The following TIAM1 variants were observed in gnomAD, a reference collection of about 807,000 sequenced individuals.
TIAM1 encodes rho guanine nucleotide exchange factor TIAM1.
TIAM1 carries 65 observed loss-of-function variants against 163.5 expected under a neutral mutation model. That is an observed-to-expected ratio of 0.40 (90% CI 0.33 to 0.49). TIAM1 has a LOEUF of 0.49. TIAM1 is among the 20% of genes least tolerant of loss of function. The pLI, the probability that TIAM1 is intolerant of heterozygous loss-of-function variation, is 0.77. For synonymous variants in TIAM1, 833 were observed against 810.1 expected (o/e 1.03, Z -0.48); for missense variants, 1,789 against 2,044.7 (o/e 0.87, Z 2.41).
intron 7 of TIAM1, 70 bp from the exon 8 acceptor site, chr21:31,223,661 A>G: frequency 6.9e-7 from 1 of 1,458,098 alleles, no homozygotes; most frequent in Non-Finnish European, 9.2e-7. Flanking sequence ...TCTTTATCCT[A>G]TACAGATCTA....
At chr21:31,558,374 G>C (rs1426341840) in intron 1 of TIAM1, among the ~76,000 whole-genome samples, 2 of 152,138 alleles carry the variant, frequency 1.3e-5, no homozygotes, top group Non-Finnish European at 2.9e-5. Flanking sequence ...CGGCCCCCGG[G>C]CTTTCCGCCC....
At chr21:31,196,944 A>G (rs2085890111) in intron 12 of TIAM1, among the ~76,000 whole-genome samples, 1 of 152,216 alleles carries the variant, frequency 6.6e-6, no homozygotes, top group South Asian at 2.1e-4. Context: ...CTTTACAGCA[A>G]CATGGATGCA....
intron 15 of TIAM1, among the ~76,000 whole-genome samples, chr21:31,174,667 G>A (rs1249107596): frequency 6.6e-6 from 1 of 152,042 alleles, no homozygotes; most frequent in Non-Finnish European, 1.5e-5. Flanking sequence ...CTTTTTTTGA[G>A]AGAGAGTTTC....
intron 2 of TIAM1, among the ~76,000 whole-genome samples, chr21:31,393,350 C>T (rs1288933900): frequency 6.6e-6 from 1 of 152,142 alleles, no homozygotes; most frequent in African/African-American, 2.4e-5. Context: ...AAATGAAAAA[C>T]GAATGCAACA....
At chr21:31,473,429 C>CAAAAAAAAAAAAAAA (rs56691495) in intron 1 of TIAM1, among the ~76,000 whole-genome samples, 2 of 75,738 alleles carry the variant, frequency 2.6e-5, no homozygotes, top group Non-Finnish European at 5.4e-5. Flanking sequence ...GACTCCATCT[C>CAAAAAAAAAAAAAAA]AAAAAAAAAA....
chr21:31,178,707 C>T (rs145454943), intron 15 of TIAM1, among the ~76,000 whole-genome samples: 1 of 152,230 alleles, frequency 6.6e-6, no homozygotes, highest in African/African-American at 2.4e-5. Flanking sequence ...ATGCTTTATT[C>T]CTGAGTCAGT....
chr21:31,239,239 C>T (rs925530775), intron 6 of TIAM1, among the ~76,000 whole-genome samples: 1 of 152,140 alleles, frequency 6.6e-6, no homozygotes, highest in Non-Finnish European at 1.5e-5. Context: ...CCTCCCACCT[C>T]AGCCTCTCAA....
chr21:31,497,300 A>G (rs1165276818), intron 1 of TIAM1, among the ~76,000 whole-genome samples: 1 of 152,266 alleles, frequency 6.6e-6, no homozygotes, highest in Non-Finnish European at 1.5e-5. Context: ...TTTTTACATT[A>G]TTCTTGCTAC....
At chr21:31,369,813 C>A (rs1014290944) in intron 2 of TIAM1, among the ~76,000 whole-genome samples, 6 of 152,108 alleles carry the variant, frequency 3.9e-5, no homozygotes, top group Non-Finnish European at 8.8e-5. Flanking sequence ...CATGGTGAAA[C>A]CCCGTCTCTA....
chr21:31,228,218 TTTAA>T (rs1380577463), intron 6 of TIAM1, among the ~76,000 whole-genome samples: 118 of 19,036 alleles, frequency 6.2e-3, no homozygotes, highest in Non-Finnish European at 0.011. Context: ...GCCTCCTTTT[TTTAA>T]AAAAAAAAAA....
At chr21:31,140,135 G>C (rs1408311413) in intron 22 of TIAM1, among the ~76,000 whole-genome samples, 2 of 152,084 alleles carry the variant, frequency 1.3e-5, no homozygotes, top group Non-Finnish European at 2.9e-5. Context: ...CTGAAAACTT[G>C]TTTTGTTTCA....
intron 10 of TIAM1, among the ~76,000 whole-genome samples, chr21:31,211,214 C>T (rs545488641): frequency 2.6e-5 from 4 of 152,144 alleles, no homozygotes; most frequent in South Asian, 4.2e-4. Flanking sequence ...GGAGAAGGGT[C>T]GGAAGTCCTC....
intron 1 of TIAM1, among the ~76,000 whole-genome samples, chr21:31,555,963 A>G (rs934899324): frequency 6.6e-6 from 1 of 151,900 alleles, no homozygotes; most frequent in East Asian, 1.9e-4. Context: ...GGGGGAGGGG[A>G]GAAGAGAGGA....
At chr21:31,384,277 G>A (rs1332360731) in intron 2 of TIAM1, among the ~76,000 whole-genome samples, 2 of 151,276 alleles carry the variant, frequency 1.3e-5, no homozygotes, top group African/African-American at 2.4e-5. Flanking sequence ...AAAAAAAAAT[G>A]TCAAAGATCA....
intron 15 of TIAM1, among the ~76,000 whole-genome samples, chr21:31,172,603 G>A (rs546068873): frequency 2.6e-5 from 4 of 152,268 alleles, no homozygotes; most frequent in African/African-American, 7.2e-5. Context: ...GCAGGGGACC[G>A]GGGGAGAGGA....
intron 1 of TIAM1, among the ~76,000 whole-genome samples, chr21:31,467,649 A>T (rs906366139): frequency 1.3e-5 from 2 of 151,322 alleles, no homozygotes; most frequent in Non-Finnish European, 2.9e-5. Flanking sequence ...ATAAATAAAT[A>T]AAAATAAAAT....
chr21:31,346,694 A>C (rs527312473), upstream of TIAM1, among the ~76,000 whole-genome samples: 6 of 152,338 alleles, frequency 3.9e-5, no homozygotes, highest in African/African-American at 1.4e-4. Flanking sequence ...TACTCCACAC[A>C]CAACAGGAAG....
At position 31,252,143 on chromosome 21, in the gene TIAM1, T is replaced by A; in HGVS notation, c.1010A>T (p.Glu337Val). Reference sequence around the variant, plus strand: ...GAGGTCCGTGTCGGTAGTGGCCCCTTCAATCCCACTGTCTGCAAACTCACT... The same window carrying A: ...GAGGTCCGTGTCGGTAGTGGCCCCTACAATCCCACTGTCTGCAAACTCACT... The part of the protein sequence containing the change: ...EGSEFADSGI[E>V]GATTDTDLLS... Residue 337 changes from glutamate to valine, a missense_variant, in exon 5 of 28, where the codon GAA becomes GTA. This residue lies in a region of TIAM1 where 555 missense variants were observed against 564.9 expected (regional missense o/e 0.98). Transcript: ENST00000541036. The A allele has an allele frequency of 6.2e-7, 1 of 1,611,090 alleles. No homozygotes were observed.
chr21:31,280,604 A>G (rs1247074322), intron 2 of TIAM1, among the ~76,000 whole-genome samples: 1 of 152,188 alleles, frequency 6.6e-6, no homozygotes, highest in Non-Finnish European at 1.5e-5. Flanking sequence ...AAATGTGTGT[A>G]CTGGAAGTAT....
Sources: allele counts gnomAD v4.1 joint callset (sites outside exome capture counted in the v4.1 genomes callset), GRCh38; gene constraint gnomAD v4.1.1; regional missense constraint gnomAD v4.1.1; transcripts MANE v1.5; gene names NCBI Gene and HGNC (gene_info 2026-07-23, HGNC 2026-07-21).